Variants in CHAT observed in about 807,000 individuals in gnomAD.
CHAT encodes choline O-acetyltransferase, also known as acetyl CoA:choline O-acetyltransferase.
Under a neutral mutation model 76.9 loss-of-function variants are expected in CHAT, and 61 were observed. That is an observed-to-expected ratio of 0.79 (90% CI 0.65 to 0.98). The LOEUF (loss-of-function observed/expected upper bound fraction) is 0.98, where lower values mean the gene tolerates loss of function less well. Among genes scored for constraint, CHAT ranks in the 50% least tolerant of loss-of-function variants. The probability of loss-of-function intolerance (pLI) is 0.00; values close to 1 mark genes in which losing one functional copy is unlikely to be tolerated. For missense variants in CHAT, 946 were observed against 986.9 expected, an observed-to-expected ratio of 0.96 and a Z score of 0.56; for synonymous variants, 407 against 397.4, an observed-to-expected ratio of 1.02 and a Z score of -0.29.
chr10:49,614,228 A>AG lies in CHAT; in HGVS notation c.45dup (p.Lys16GlufsTer65). 3.2e-6 allele frequency: 3 copies of AG among 941,036 alleles called. No individual in the cohort carries two copies. The highest frequency in any genetic ancestry group is 4.0e-5 in the Admixed American group (1 of 25,260). 58.3% of individuals were successfully genotyped at this position (941,036 alleles called of 1,614,324 possible). A position where few individuals can be genotyped will look rare whatever the true frequency, so the allele number is the denominator to read the frequency against. ...CAGCGAAGAAGAGGGGGCTTGGGGG[A>AG]GGGGGGAAATGGAAGAGAGAGGAGG... is the stretch of plus-strand genomic sequence containing the variant. On this transcript the variant is annotated frameshift_variant, in exon 1 of 15. Transcript: ENST00000337653. LOFTEE classifies it high-confidence loss of function.
At chr10:49,645,146 T>C (rs11101191) in intron 7 of CHAT, among the ~76,000 whole-genome samples, 17,739 of 152,224 alleles carry the variant, frequency 0.12, 1,457 homozygotes, top group East Asian at 0.44. Flanking sequence ...GTTATCCATG[T>C]ACCAAGCTAA....
rs757402644 is a variant in CHAT, at chr10:49,627,763, G to A, written c.1089G>A (p.Glu363=). 2.5e-6 allele frequency: 4 copies of A among 1,613,920 alleles called. No individual in the cohort carries two copies. Among genetic ancestry groups the A allele is most frequent in the Middle Eastern group, 1.7e-4 (1 of 6,040 alleles). The part of the protein sequence containing the change: ...LTSDGRSEWA[E]ARTVLVKDST... ...CTGACGGGAGGAGCGAGTGGGCCGA[G>A]GCCAGGACGGTCCTCGTGAAAGGTC... Residue 363 remains glutamate (E), a synonymous_variant, in exon 7 of 15, where the codon GAG becomes GAA. Transcript: ENST00000337653.
chr10:49,664,742 A>C, intron 14 of CHAT, 35 bp from the exon 15 acceptor site: 1 of 1,614,156 alleles, frequency 6.2e-7, no homozygotes, highest in Non-Finnish European at 8.5e-7. Context: ...GCTGCATTCC[A>C]GAACAAGCAG....
rs10857519 is a variant in CHAT, at chr10:49,620,018, A to C, written c.579+102A>C. On this transcript the variant is annotated intron_variant, in intron 3 of 14. Transcript: ENST00000337653. The stretch of plus-strand genomic sequence containing the variant: ...CAGGTAGGGGACAAAGACAGGGCAG[A>C]AGGAGAGATGAGGGACAGGGATGGG... The C allele has an allele frequency of 0.11, 131,208 of 1,214,216 alleles. 7,837 individuals are homozygous for C. The highest frequency in any genetic ancestry group is 0.11 in the Non-Finnish European group (97,560 of 857,464). The allele number at this position is 1,214,216 out of a possible 1,614,324, so 75.2% of individuals were successfully genotyped here. A position where few individuals can be genotyped will look rare whatever the true frequency, so the allele number is the denominator to read the frequency against.
Position 49,667,695 on chromosome 10 carries a change from T to C in CHAT, c.*2649T>C, listed in dbSNP as rs1840366499. On this transcript the variant is annotated 3_prime_UTR_variant, in exon 15 of 15. Transcript: ENST00000337653. Reference sequence around the variant, plus strand: ...TTTGGAACAGTGATGCATAATAAAATGTATGTGGCCACCTTACAATACTGC... The same window carrying C: ...TTTGGAACAGTGATGCATAATAAAACGTATGTGGCCACCTTACAATACTGC... Among the ~76,000 whole-genome samples the C allele has an allele frequency of 6.6e-6, 1 of 152,236 alleles. No individual in the cohort carries two copies. The highest frequency in any genetic ancestry group is 6.5e-5 in the Admixed American group (1 of 15,290).
At chr10:49,615,858 C>G in intron 1 of CHAT, 1 of 617,938 alleles carries the variant, frequency 1.6e-6, no homozygotes, top group South Asian at 2.0e-5. Context: ...CACTGGCAGC[C>G]TGCAGACCCG....
At chr10:49,626,364 C>T (rs1281906542) in intron 6 of CHAT, among the ~76,000 whole-genome samples, 1 of 152,214 alleles carries the variant, frequency 6.6e-6, no homozygotes, top group Non-Finnish European at 1.5e-5. Context: ...TAAATATTTC[C>T]TCTGACAAAC....
chr10:49,618,088 A>G (rs1838564929), intron 2 of CHAT, among the ~76,000 whole-genome samples: 1 of 152,208 alleles, frequency 6.6e-6, no homozygotes, highest in Admixed American at 6.5e-5. Context: ...AAGGTGCCTC[A>G]CTGTCTACCA....
At position 49,666,281 on chromosome 10, in the gene CHAT, C is replaced by T. The variant is rs1840338386; in HGVS notation, c.*1235C>T. On this transcript the variant is annotated 3_prime_UTR_variant, in exon 15 of 15. Transcript: ENST00000337653. ...CCAGCCCCAGCTCCAGCTCCAGCCC[C>T]AGCTCCAGCTCCAGCATGGGCAGGA... Among the ~76,000 whole-genome samples the T allele has an allele frequency of 6.6e-6, 1 of 151,282 alleles. No homozygotes were observed. The highest frequency in any genetic ancestry group is 2.5e-5 in the African/African-American group (1 of 40,608).
chr10:49,611,467 G>T (rs771935500), upstream of CHAT: 9 of 1,599,056 alleles, frequency 5.6e-6, no homozygotes, highest in East Asian at 2.2e-5. Context: ...CGGCAAGCGC[G>T]TGCCCTTCTT....
intron 7 of CHAT, among the ~76,000 whole-genome samples, chr10:49,636,957 CTTA>C (rs140243597): frequency 0.02 from 3,067 of 151,516 alleles, 117 homozygotes; most frequent in African/African-American, 0.071. Context: ...ATAGTATCCT[CTTA>C]TTATACTTTT....
rs140350803 is a variant in CHAT, at chr10:49,647,021, C to A, written c.1281+347C>A. The A allele has an allele frequency of 3.0e-3, 1,191 of 396,572 alleles. 12 individuals carry two copies. The highest frequency in any genetic ancestry group is 0.023 in the African/African-American group (1,116 of 49,162). The allele number at this position is 396,572 out of a possible 1,614,324, so 24.6% of individuals were successfully genotyped here. ...ATCACACCTGTGAGGTGGGGGTGTG[C>A]CAGGAGTAGGAGAGTATAACAGCCC... is the stretch of plus-strand genomic sequence containing the variant. On this transcript the variant is annotated intron_variant, in intron 8 of 14. Coordinates refer to ENST00000337653, the MANE Select transcript of CHAT (RefSeq NM_020549.5).
intron 1 of CHAT, among the ~76,000 whole-genome samples, chr10:49,615,170 G>A (rs1323667005): frequency 1.3e-5 from 2 of 152,008 alleles, no homozygotes; most frequent in African/African-American, 4.8e-5. Context: ...GGGGAGGGGG[G>A]GGCTCTGGGC....
chr10:49,662,904 T>C, intron 14 of CHAT, 122 bp downstream of exon 14: 1 of 1,216,972 alleles, frequency 8.2e-7, no homozygotes, highest in Non-Finnish European at 1.2e-6. Context: ...CTGAACTATG[T>C]GATCTTCAGC....
chr10:49,656,266 A>T lies in CHAT; in HGVS notation c.1839+818A>T, dbSNP rs962112718. ...TCTATTTGGGGAAAACATAGCACCC[A>T]CTCATGTATTCAGTGGGTTTTTTTT... is the stretch of plus-strand genomic sequence containing the variant. On this transcript the variant is annotated intron_variant, in intron 13 of 14. Coordinates refer to ENST00000337653, the MANE Select transcript of CHAT (RefSeq NM_020549.5). 5.6e-4 allele frequency among the ~76,000 whole-genome samples: 79 copies of T among 141,200 alleles called. 1 individual carries two copies. The highest frequency in any genetic ancestry group is 1.8e-4 in the Non-Finnish European group (12 of 66,214). 92.6% of individuals were successfully genotyped at this position (141,200 alleles called of 152,430 possible).
rs1388805722 is a variant in CHAT at position 49,622,279 on chromosome 10, G to GC, written c.752+133dup. 4 of 973,376 alleles carry GC rather than the reference G, an allele frequency of 4.1e-6. No homozygotes were observed. The African/African-American group carries it at 6.4e-5, about 15-fold the overall frequency. 60.3% of individuals were successfully genotyped at this position (973,376 alleles called of 1,614,324 possible). A position where few individuals can be genotyped will look rare whatever the true frequency, so the allele number is the denominator to read the frequency against. On this transcript the variant is annotated intron_variant, in intron 5 of 14. Coordinates refer to ENST00000337653, the MANE Select transcript of CHAT (RefSeq NM_020549.5). ...CTCCTGGCACAGAGCAGATGTCCCT[G>GC]CCCCAACCCACTCCCCCACCATCAG...
At chr10:49,639,773 G>A (rs751783593) in intron 7 of CHAT, among the ~76,000 whole-genome samples, 15 of 152,154 alleles carry the variant, frequency 9.9e-5, no homozygotes, top group Non-Finnish European at 1.3e-4. Flanking sequence ...CAAATTTGGG[G>A]ATGCGTTAGC....
chr10:49,616,231 A>C, intron 1 of CHAT: 2 of 904,582 alleles, frequency 2.2e-6, no homozygotes, highest in Non-Finnish European at 3.7e-6. Context: ...CAGGGTGGTC[A>C]GCTGGCCTTG....
At chr10:49,614,544 T>C in intron 1 of CHAT, 69 bp downstream of exon 1, 1 of 1,334,676 alleles carries the variant, frequency 7.5e-7, no homozygotes, top group Middle Eastern at 2.6e-4. Context: ...TCGGGGGCTC[T>C]ATCCAGGGAC....
Sources: gnomAD v4.1 joint callset for allele counts (sites outside exome capture counted in the v4.1 genomes callset) on GRCh38, gnomAD v4.1.1 for gene constraint, MANE v1.5 for transcripts, NCBI Gene and HGNC (gene_info 2026-07-23, HGNC 2026-07-21) for gene names.